The following CA10 variants were observed in gnomAD, a reference collection of about 807,000 sequenced individuals.
CA10 encodes the protein carbonic anhydrase 10 (inactive), also known as carbonic anhydrase-related protein 10.
A neutral mutation model predicts 44.2 loss-of-function variants in CA10; 14 were observed. The ratio of observed to expected loss-of-function variants is 0.32; its 90% CI spans 0.21 to 0.50. CA10 has a LOEUF of 0.50. CA10 is among the 20% of genes least tolerant of loss of function. The probability of loss-of-function intolerance (pLI) is 0.99; values close to 1 mark genes in which losing one functional copy is unlikely to be tolerated. For missense variants in CA10, 350 were observed against 409.7 expected (o/e 0.85, Z 1.26); for synonymous variants, 159 against 141.6 (o/e 1.12, Z -0.87).
chr17:51,889,496 C>T (rs923112841), intron 3 of CA10, among the ~76,000 whole-genome samples: 1 of 152,068 alleles, frequency 6.6e-6, no homozygotes, highest in African/African-American at 2.4e-5. Context: ...TGTGCTCCAG[C>T]CTAGATGACA....
At chr17:51,706,253 T>C (rs1339638439) in intron 4 of CA10, among the ~76,000 whole-genome samples, 3 of 152,212 alleles carry the variant, frequency 2.0e-5, no homozygotes, top group African/African-American at 2.4e-5. Context: ...GTGAGATGAA[T>C]TACTTTGTCA....
At chr17:51,785,307 TC>T (rs1906225784) in intron 3 of CA10, among the ~76,000 whole-genome samples, 1 of 152,182 alleles carries the variant, frequency 6.6e-6, no homozygotes, top group Non-Finnish European at 1.5e-5. Context: ...TATAAAGAGT[TC>T]AAATAACTCT....
chr17:51,822,180 T>C (rs1907829312), intron 3 of CA10, among the ~76,000 whole-genome samples: 1 of 152,152 alleles, frequency 6.6e-6, no homozygotes, highest in East Asian at 1.9e-4. Flanking sequence ...TCCAAGCAGT[T>C]TGGGAGGCTG....
intron 1 of CA10, among the ~76,000 whole-genome samples, chr17:52,143,891 T>C (rs965405876): frequency 2.0e-5 from 3 of 152,226 alleles, no homozygotes; most frequent in Non-Finnish European, 2.9e-5. Context: ...GGTCACAGTT[T>C]GCTTGTCTTT....
intron 3 of CA10, among the ~76,000 whole-genome samples, chr17:51,846,852 C>G (rs530529328): frequency 3.3e-5 from 5 of 152,092 alleles, no homozygotes; most frequent in Non-Finnish European, 5.9e-5. Context: ...AGCTGTTTTG[C>G]GATCATGCCC....
At chr17:51,765,383 T>G (rs895881245) in intron 3 of CA10, among the ~76,000 whole-genome samples, 5 of 152,188 alleles carry the variant, frequency 3.3e-5, no homozygotes, top group Non-Finnish European at 4.4e-5. Flanking sequence ...ATCAAAATGA[T>G]GCAATTCAAT....
intron 3 of CA10, among the ~76,000 whole-genome samples, chr17:51,868,974 TTTAAG>T (rs545576030): frequency 4.6e-5 from 7 of 151,966 alleles, no homozygotes; most frequent in Non-Finnish European, 8.8e-5. Context: ...TAATGTCTAA[TTTAAG>T]TTAAGCTAAT....
chr17:52,011,827 G>T (rs1985807205), intron 2 of CA10, among the ~76,000 whole-genome samples: 1 of 152,042 alleles, frequency 6.6e-6, no homozygotes, highest in Admixed American at 6.6e-5. Context: ...ATGGAGAAAT[G>T]ACTTCAGCAT....
intron 4 of CA10, among the ~76,000 whole-genome samples, chr17:51,700,555 G>T (rs1175917717): frequency 6.6e-6 from 1 of 152,070 alleles, no homozygotes; most frequent in African/African-American, 2.4e-5. Flanking sequence ...ACCTGTGCTT[G>T]GCTCACCCCC....
chr17:51,926,466 A>T (rs1342483913), intron 3 of CA10, among the ~76,000 whole-genome samples: 1 of 152,216 alleles, frequency 6.6e-6, no homozygotes, highest in Non-Finnish European at 1.5e-5. Context: ...AAATTACCCC[A>T]TAATTAGTGG....
intron 2 of CA10, among the ~76,000 whole-genome samples, chr17:52,040,145 C>CT (rs200635464): frequency 0.48 from 66,563 of 138,936 alleles, 16,222 homozygotes; most frequent in African/African-American, 0.6. Context: ...TCTTTTTTTT[C>CT]TTTTTTTTTT....
rs555191377 is a variant in CA10, at chr17:51,796,529, A to G, written c.280-48711T>C. ...GTCAACAAAACAGATTAGTAGACCT[A>G]TTACTCCCTAGTCTTAGTACTTTTT... On this transcript the variant is annotated intron_variant, in intron 3 of 8. Coordinates refer to ENST00000451037, the MANE Select transcript of CA10 (RefSeq NM_020178.5). Among the ~76,000 whole-genome samples the G allele has an allele frequency of 4.3e-4, 65 of 152,286 alleles. 1 individual carries two copies. Among genetic ancestry groups the G allele is most frequent in the African/African-American group, 1.5e-3 (64 of 41,554 alleles).
chr17:51,747,501 A>G (rs1904731107), intron 4 of CA10, 132 bp downstream of exon 4: 1 of 689,678 alleles, frequency 1.4e-6, no homozygotes, highest in Non-Finnish European at 2.4e-6. Flanking sequence ...CAGATGGAGA[A>G]AGAAGGCATG....
rs77464716 is a variant in CA10 at position 51,897,146 on chromosome 17, A to C, written c.279+33844T>G. Among the ~76,000 whole-genome samples the C allele has an allele frequency of 6.9e-3, 1,045 of 152,070 alleles. 15 individuals are homozygous for C. The highest frequency in any genetic ancestry group is 0.023 in the African/African-American group (969 of 41,506). ...GTTTTCATCATGAAATTTTTGCCAG[A>C]GCCTATGTCCAGAATGGTATTTTGT... On this transcript the variant is annotated intron_variant, in intron 3 of 8. Transcript: ENST00000451037.
At chr17:51,696,025 A>C (rs1017714596) in intron 4 of CA10, among the ~76,000 whole-genome samples, 3 of 152,218 alleles carry the variant, frequency 2.0e-5, no homozygotes, top group Admixed American at 1.3e-4. Context: ...CTATTTGATC[A>C]TGGTGAATTA....
chr17:51,784,989 T>A (rs1906209332), intron 3 of CA10, among the ~76,000 whole-genome samples: 1 of 152,228 alleles, frequency 6.6e-6, no homozygotes, highest in Non-Finnish European at 1.5e-5. Flanking sequence ...TCAATTGTTT[T>A]GATTTTTAGA....
chr17:51,801,950 G>A (rs1906949427), intron 3 of CA10, among the ~76,000 whole-genome samples: 2 of 152,180 alleles, frequency 1.3e-5, no homozygotes, highest in South Asian at 2.1e-4. Flanking sequence ...GACCCCAACT[G>A]AAGAAGCTTC....
At chr17:51,796,265 C>T (rs1906704794) in intron 3 of CA10, among the ~76,000 whole-genome samples, 1 of 151,890 alleles carries the variant, frequency 6.6e-6, no homozygotes, top group African/African-American at 2.4e-5. Flanking sequence ...AGGGGAAGTG[C>T]CTTGTCTGCG....
chr17:51,640,015 C>T (rs923129464), intron 6 of CA10, among the ~76,000 whole-genome samples: 1 of 152,198 alleles, frequency 6.6e-6, no homozygotes, highest in African/African-American at 2.4e-5. Flanking sequence ...TCAAGGACTC[C>T]CTGGCTTCCC....
Sources: allele counts gnomAD v4.1 joint callset (sites outside exome capture counted in the v4.1 genomes callset), GRCh38; gene constraint gnomAD v4.1.1; transcripts MANE v1.5; gene names NCBI Gene and HGNC (gene_info 2026-07-23, HGNC 2026-07-21).